VAMP8: variants seen among roughly 807,000 people sequenced by gnomAD.
VAMP8 encodes vesicle associated membrane protein 8.
VAMP8 carries 9 observed loss-of-function variants against 11.4 expected under a neutral mutation model. The observed-to-expected ratio is 0.79, with a 90% CI of 0.48 to 1.38. The LOEUF (loss-of-function observed/expected upper bound fraction) is 1.38, where lower values mean the gene tolerates loss of function less well. Ranked by LOEUF, VAMP8 falls within the 40% of genes most tolerant of loss-of-function variation. The pLI is 0.00. For synonymous variants in VAMP8, 42 were observed against 44.7 expected, an observed-to-expected ratio of 0.94 and a Z score of 0.24; for missense variants, 108 against 127.8, an observed-to-expected ratio of 0.85 and a Z score of 0.75.
intron 2 of VAMP8, among the ~76,000 whole-genome samples, chr2:85,581,142 C>A (rs1488354751): frequency 1.3e-5 from 2 of 151,936 alleles, no homozygotes; most frequent in Non-Finnish European, 2.9e-5. Context: ...GATTGTGCCA[C>A]TGCACTCCAG....
At chr2:85,577,931 G>A (rs1672307984) in intron 1 of VAMP8, among the ~76,000 whole-genome samples, 1 of 152,186 alleles carries the variant, frequency 6.6e-6, no homozygotes, top group Non-Finnish European at 1.5e-5. Context: ...CAGGCAAAGA[G>A]TTGTTGTGCC....
chr2:85,579,958 A>AT (rs373965843), intron 2 of VAMP8: 44,279 of 1,164,756 alleles, frequency 0.038, no homozygotes, highest in South Asian at 0.046. Flanking sequence ...GGCCCCGGGA[A>AT]TTTTTTTTTT....
chr2:85,577,899 C>T (rs554113817), intron 1 of VAMP8, among the ~76,000 whole-genome samples: 232 of 152,296 alleles, frequency 1.5e-3, no homozygotes, highest in Non-Finnish European at 2.9e-3. Flanking sequence ...TCCGTGCCAG[C>T]GCCGATGGGG....
chr2:85,581,536 A>G (rs191043247), intron 2 of VAMP8, 40 bp from the exon 3 acceptor site: 1 of 1,610,248 alleles, frequency 6.2e-7, no homozygotes. Context: ...TTCCAGTGGG[A>G]GGAGCCACTG....
rs771809228 is a variant in VAMP8, at chr2:85,581,618, T to A, written c.205T>A (p.Phe69Ile). 8 of 1,614,106 alleles carry A rather than the reference T, an allele frequency of 5.0e-6. No homozygotes were observed. The highest frequency in any genetic ancestry group is 6.8e-6 in the Non-Finnish European group (8 of 1,180,026). ...GACATCGCAGAAGGTGGCTCGAAAATTCTGGTGGAAGAACGTGAAGATGAT... is the reference window on the plus strand; with the variant it reads ...GACATCGCAGAAGGTGGCTCGAAAAATCTGGTGGAAGAACGTGAAGATGAT... ...KTTSQKVARK[F>I]WWKNVKMIVL... The change falls in exon 3 of 3, where the codon TTC becomes ATC. Residue 69 changes from phenylalanine to isoleucine, a missense_variant. Transcript: ENST00000263864.
At position 85,581,901 on chromosome 2, in the gene VAMP8, G is replaced by GA. The variant is rs533171168; in HGVS notation, c.*191dup. 3.6e-5 allele frequency: 27 copies of GA among 757,862 alleles called. No individual in the cohort carries two copies. Among genetic ancestry groups the GA allele is most frequent in the Non-Finnish European group, 5.3e-5 (25 of 476,010 alleles). 46.9% of individuals were successfully genotyped at this position (757,862 alleles called of 1,614,324 possible). A position where few individuals can be genotyped will look rare whatever the true frequency, so the allele number is the denominator to read the frequency against. On this transcript the variant is annotated 3_prime_UTR_variant, in exon 3 of 3. Coordinates refer to ENST00000263864, the MANE Select transcript of VAMP8 (RefSeq NM_003761.5). Reference sequence around the variant, plus strand: ...GGTACCTTGGTCCCCCGGAAGGAGAGAAAAAAGAGAGATGGACTGTGGCTG... The same window carrying GA: ...GGTACCTTGGTCCCCCGGAAGGAGAGAAAAAAAGAGAGATGGACTGTGGCTG...
chr2:85,580,861 G>C (rs999888032), intron 2 of VAMP8, among the ~76,000 whole-genome samples: 1 of 151,418 alleles, frequency 6.6e-6, no homozygotes, highest in Non-Finnish European at 1.5e-5. Flanking sequence ...TAGAGAGGGG[G>C]TTTCACAATG....
rs140386252 is a variant in VAMP8, at chr2:85,580,827, C to T, written c.163-749C>T. Among the ~76,000 whole-genome samples, 1,344 of 151,760 alleles carry T rather than the reference C, an allele frequency of 8.9e-3. 20 individuals are homozygous for T. The highest frequency in any genetic ancestry group is 0.03 in the African/African-American group (1,240 of 41,378). On this transcript the variant is annotated intron_variant, in intron 2 of 2. Transcript: ENST00000263864. ...GATTACAGGCGTCTGCCACCACACC[C>T]GGCTAATTTTCTTGTATTTTTAGTA... is the stretch of plus-strand genomic sequence containing the variant.
chr2:85,578,077 C>A (rs1392307860), intron 1 of VAMP8, among the ~76,000 whole-genome samples: 1 of 152,190 alleles, frequency 6.6e-6, no homozygotes, highest in Non-Finnish European at 1.5e-5. Flanking sequence ...CACAGAAACA[C>A]AAAGGATTTG....
At position 85,581,614 on chromosome 2, in the gene VAMP8, A is replaced by G. The variant is rs1009; in HGVS notation, c.201A>G (p.Arg67=). Residue 67 remains arginine, a synonymous_variant, in exon 3 of 3, where the codon CGA becomes CGG. Coordinates refer to ENST00000263864, the MANE Select transcript of VAMP8 (RefSeq NM_003761.5). ...AGACGACATCGCAGAAGGTGGCTCG[A>G]AAATTCTGGTGGAAGAACGTGAAGA... The part of the protein sequence containing the change: ...HFKTTSQKVA[R]KFWWKNVKMI... 0.42 allele frequency: 678,879 copies of G among 1,613,828 alleles called. 144,272 individuals carry two copies. The highest frequency in any genetic ancestry group is 0.56 in the African/African-American group (41,888 of 74,910).
intron 2 of VAMP8, chr2:85,579,666 A>C: frequency 6.6e-7 from 1 of 1,510,292 alleles, no homozygotes; most frequent in Non-Finnish European, 8.9e-7. Flanking sequence ...CTTTGATCCC[A>C]GGGTCCCCTG....
At chr2:85,578,864 T>C in intron 1 of VAMP8, 145 bp from the exon 2 acceptor site, 1 of 847,402 alleles carries the variant, frequency 1.2e-6, no homozygotes, top group Non-Finnish European at 1.8e-6. Flanking sequence ...ACAGAAGTAA[T>C]ACATGAAAAC....
At chr2:85,580,421 T>C (rs1422762128) in intron 2 of VAMP8, among the ~76,000 whole-genome samples, 2 of 152,026 alleles carry the variant, frequency 1.3e-5, no homozygotes, top group Non-Finnish European at 2.9e-5. Flanking sequence ...TGTGCCCACC[T>C]GGAGCCTGCA....
At chr2:85,580,943 A>G (rs1672366754) in intron 2 of VAMP8, among the ~76,000 whole-genome samples, 1 of 151,424 alleles carries the variant, frequency 6.6e-6, no homozygotes, top group South Asian at 2.1e-4. Context: ...TGCTGGGATT[A>G]CAGGCGTGAA....
chr2:85,581,486 A>AG (rs1672377941), intron 2 of VAMP8, 90 bp from the exon 3 acceptor site: 5 of 1,442,242 alleles, frequency 3.5e-6, no homozygotes, highest in Non-Finnish European at 4.6e-6. Flanking sequence ...AAAAAAAAAA[A>AG]GTATGGCCTG....
Position 85,579,110 on chromosome 2 carries a change from G to A in VAMP8, c.105G>A (p.Leu35=). 6.2e-7 allele frequency: 1 copy of A among 1,608,684 alleles called. No individual in the cohort carries two copies. The highest frequency in any genetic ancestry group is 8.5e-7 in the Non-Finnish European group (1 of 1,177,154). Residue 35 remains leucine (L), a synonymous_variant, in exon 2 of 3, where the codon CTG becomes CTA. Transcript: ENST00000263864. The stretch of plus-strand genomic sequence containing the variant: ...TGACCCAGAATGTGGAGCGGATCCT[G>A]GCCCGGGGGGAAAACTTGGAACATC... ...NIMTQNVERI[L]ARGENLEHLR...
chr2:85,581,003 C>T (rs1672368069), intron 2 of VAMP8, among the ~76,000 whole-genome samples: 2 of 152,036 alleles, frequency 1.3e-5, no homozygotes, highest in African/African-American at 2.4e-5. Context: ...GTTACCTCAG[C>T]TTACAGTGTC....
chr2:85,579,627 A>T, intron 2 of VAMP8: 2 of 1,448,548 alleles, frequency 1.4e-6, no homozygotes, highest in Non-Finnish European at 1.8e-6. Flanking sequence ...AGTAGGCTTT[A>T]AAAAGAAGGG....
chr2:85,581,855 G>A lies in VAMP8; in HGVS notation c.*139G>A. ...CTACCCCTCTTCCCGAGGCCCTGCTGCCATGTTGTATGCCCCAGAAGGTAC... is the reference window on the plus strand; with the variant it reads ...CTACCCCTCTTCCCGAGGCCCTGCTACCATGTTGTATGCCCCAGAAGGTAC... On this transcript the variant is annotated 3_prime_UTR_variant, in exon 3 of 3. Coordinates refer to ENST00000263864, the MANE Select transcript of VAMP8 (RefSeq NM_003761.5). 2 of 1,230,340 alleles carry A rather than the reference G, an allele frequency of 1.6e-6. No homozygotes were observed. Among genetic ancestry groups the A allele is most frequent in the East Asian group, 2.3e-5 (1 of 42,756 alleles). The allele number at this position is 1,230,340 out of a possible 1,614,324, so 76.2% of individuals were successfully genotyped here. A position where few individuals can be genotyped will look rare whatever the true frequency, so the allele number is the denominator to read the frequency against.
Sources: allele counts gnomAD v4.1 joint callset (sites outside exome capture counted in the v4.1 genomes callset), GRCh38; gene constraint gnomAD v4.1.1; transcripts MANE v1.5; gene names NCBI Gene and HGNC (gene_info 2026-07-23, HGNC 2026-07-21).